The following MAGI2 variants were observed in gnomAD, a reference collection of about 807,000 sequenced individuals.
MAGI2 encodes the protein membrane associated guanylate kinase, WW and PDZ domain containing 2, also known as membrane-associated guanylate kinase, WW and PDZ domain-containing protein 2.
Under a neutral mutation model 133.3 loss-of-function variants are expected in MAGI2, and 35 were observed. The observed-to-expected ratio is 0.26, with a 90% CI of 0.20 to 0.35. The LOEUF is 0.35. MAGI2 is among the 10% of genes least tolerant of loss of function. The probability of loss-of-function intolerance (pLI) is 1.00; values close to 1 mark genes in which losing one functional copy is unlikely to be tolerated. For missense variants in MAGI2, 1,636 were observed against 1,863.4 expected, an observed-to-expected ratio of 0.88 and a Z score of 2.25; for synonymous variants, 729 against 710.6, an observed-to-expected ratio of 1.03 and a Z score of -0.41.
chr7:79,264,068 T>C (rs1834270692), intron 1 of MAGI2, among the ~76,000 whole-genome samples: 1 of 152,160 alleles, frequency 6.6e-6, no homozygotes, highest in African/African-American at 2.4e-5. Context: ...GAAAGAAAAG[T>C]AGAAAATATC....
intron 1 of MAGI2, among the ~76,000 whole-genome samples, chr7:79,152,262 A>G (rs1159623781): frequency 6.6e-6 from 1 of 152,178 alleles, no homozygotes; most frequent in Non-Finnish European, 1.5e-5. Flanking sequence ...TGAAAAGCAG[A>G]ATTATATTTT....
At chr7:79,141,583 A>G (rs1822136540) in intron 1 of MAGI2, among the ~76,000 whole-genome samples, 1 of 152,118 alleles carries the variant, frequency 6.6e-6, no homozygotes, top group Non-Finnish European at 1.5e-5. Flanking sequence ...TTCTTTGCTC[A>G]AAAGTCAATA....
chr7:79,361,476 C>T (rs1172765789), intron 1 of MAGI2, among the ~76,000 whole-genome samples: 1 of 152,188 alleles, frequency 6.6e-6, no homozygotes, highest in Non-Finnish European at 1.5e-5. Context: ...CCAAGGCTAC[C>T]TTGGCCTGCC....
Position 79,022,911 on chromosome 7 carries a change from T to C in MAGI2, c.302-15705A>G, listed in dbSNP as rs569714109. Among the ~76,000 whole-genome samples, 8 of 152,190 alleles carry C rather than the reference T, an allele frequency of 5.3e-5. No individual in the cohort carries two copies. The South Asian group carries it at 1.7e-3, about 32-fold the overall frequency. On this transcript the variant is annotated intron_variant, in intron 1 of 21. Coordinates refer to ENST00000354212, the MANE Select transcript of MAGI2 (RefSeq NM_012301.4). ...GGAACAGACAGGTTCACTGCCAAAT[T>C]CTACCAGATATATAAGGAAGAGCTG...
At chr7:78,219,753 C>T (rs936505528) in intron 10 of MAGI2, among the ~76,000 whole-genome samples, 14 of 152,186 alleles carry the variant, frequency 9.2e-5, no homozygotes, top group African/African-American at 2.7e-4. Flanking sequence ...TTGTCCATTC[C>T]ATCCTCCCTT....
At chr7:79,192,368 TAATA>T (rs35092489) in intron 1 of MAGI2, among the ~76,000 whole-genome samples, 2,127 of 151,956 alleles carry the variant, frequency 0.014, 24 homozygotes, top group Non-Finnish European at 0.022. Flanking sequence ...AGAAATACTT[TAATA>T]AATAAATATG....
At chr7:79,283,882 T>C (rs1835820320) in intron 1 of MAGI2, among the ~76,000 whole-genome samples, 1 of 152,108 alleles carries the variant, frequency 6.6e-6, no homozygotes, top group South Asian at 2.1e-4. Flanking sequence ...CAGAAGGTGG[T>C]CCCATAAGGT....
At chr7:78,134,902 C>T (rs992360196) in intron 17 of MAGI2, 119 bp downstream of exon 17, 2 of 811,722 alleles carry the variant, frequency 2.5e-6, no homozygotes, top group Non-Finnish European at 3.9e-6. Flanking sequence ...CTCTGACACT[C>T]TGACACCACA....
At chr7:79,043,131 G>T (rs1040904691) in intron 1 of MAGI2, among the ~76,000 whole-genome samples, 1 of 152,004 alleles carries the variant, frequency 6.6e-6, no homozygotes, top group African/African-American at 2.4e-5. Context: ...CAAAAAGTTA[G>T]AAAGATCTTA....
Position 78,019,325 on chromosome 7 carries a change from G to C in MAGI2, c.4358C>G (p.Ala1453Gly). The change falls in exon 22 of 22, where the codon GCC becomes GGC. Residue 1453 changes from alanine (A) to glycine (G), a missense_variant. Ala to Gly is a moderately conservative substitution (Grantham distance 60, BLOSUM62 0). Coordinates refer to ENST00000354212, the MANE Select transcript of MAGI2 (RefSeq NM_012301.4). Reference protein sequence around the residue: ...PSVLKPGASAASR With the variant: ...PSVLKPGASAGSR ...CCGTGGCCGCGCGGCTCATCTGCTG[G>C]CGGCCGAGGCGCCGGGTTTGAGGAC... 1 of 1,551,010 alleles carries C rather than the reference G, an allele frequency of 6.4e-7. No homozygotes were observed. Among genetic ancestry groups the C allele is most frequent in the Non-Finnish European group, 8.6e-7 (1 of 1,158,446 alleles).
chr7:79,235,068 G>C (rs887476663), intron 1 of MAGI2, among the ~76,000 whole-genome samples: 14 of 151,856 alleles, frequency 9.2e-5, no homozygotes, highest in East Asian at 5.8e-4. Flanking sequence ...AGGTGTCAGT[G>C]TGCCCCTGCT....
At chr7:78,793,074 C>T (rs1026692573) in intron 2 of MAGI2, among the ~76,000 whole-genome samples, 1 of 152,244 alleles carries the variant, frequency 6.6e-6, no homozygotes, top group Non-Finnish European at 1.5e-5. Flanking sequence ...TAAAACATCA[C>T]TTCTGGGAGG....
chr7:78,276,073 T>G (rs1019418858), intron 9 of MAGI2, among the ~76,000 whole-genome samples: 2 of 152,168 alleles, frequency 1.3e-5, no homozygotes, highest in African/African-American at 2.4e-5. Context: ...TCTCCCTAAT[T>G]ACTGGTCTAG....
intron 2 of MAGI2, among the ~76,000 whole-genome samples, chr7:78,887,579 C>A (rs1383382123): frequency 2.0e-5 from 3 of 152,200 alleles, no homozygotes; most frequent in Admixed American, 2.0e-4. Flanking sequence ...TCGTAGGTGG[C>A]CATTGTCCAT....
rs80261928 is a variant in MAGI2, at chr7:79,139,400, T to C, written c.302-132194A>G. On this transcript the variant is annotated intron_variant, in intron 1 of 21. Coordinates refer to ENST00000354212, the MANE Select transcript of MAGI2 (RefSeq NM_012301.4). ...ACAAAGGTGATATTATTTTCTCTGT[T>C]TTACAGATTATAACACTGGGACTCA... is the stretch of plus-strand genomic sequence containing the variant. Among the ~76,000 whole-genome samples the C allele has an allele frequency of 2.9e-3, 434 of 152,274 alleles. 2 individuals carry two copies. Among genetic ancestry groups the C allele is most frequent in the East Asian group, 4.6e-3 (24 of 5,178 alleles).
At chr7:78,201,382 ATG>A (rs1829237347) in intron 10 of MAGI2, among the ~76,000 whole-genome samples, 189 bp from the exon 11 acceptor site, 1 of 152,208 alleles carries the variant, frequency 6.6e-6, no homozygotes, top group Admixed American at 6.5e-5. Context: ...AATTGTATTA[ATG>A]ATTCTAAGAA....
chr7:78,472,346 A>C (rs1445404654), intron 6 of MAGI2, among the ~76,000 whole-genome samples: 1 of 152,130 alleles, frequency 6.6e-6, no homozygotes, highest in Non-Finnish European at 1.5e-5. Context: ...ACATCCTTTG[A>C]ATAGAAGTCA....
chr7:79,228,397 T>C (rs1050166587), intron 1 of MAGI2, among the ~76,000 whole-genome samples: 5 of 83,950 alleles, frequency 6.0e-5, no homozygotes, highest in Non-Finnish European at 1.3e-4. Context: ...TGTCTTGAAA[T>C]AAGAAAAAGA....
At chr7:78,573,076 T>C (rs10953621) in intron 3 of MAGI2, among the ~76,000 whole-genome samples, 11,199 of 51,940 alleles carry the variant, frequency 0.22, 1,577 homozygotes, top group East Asian at 0.48. Context: ...TATATATATA[T>C]ACACACACAC....
Sources: allele counts gnomAD v4.1 joint callset (sites outside exome capture counted in the v4.1 genomes callset), GRCh38; gene constraint gnomAD v4.1.1; transcripts MANE v1.5; gene names NCBI Gene and HGNC (gene_info 2026-07-23, HGNC 2026-07-21).